The following APC variants were observed in gnomAD, a reference collection of about 807,000 sequenced individuals.
APC encodes the protein APC regulator of Wnt signaling pathway.
A neutral mutation model predicts 247.0 loss-of-function variants in APC; 72 were observed. That is an observed-to-expected ratio of 0.29 (90% CI 0.24 to 0.35). The LOEUF is 0.35. APC is among the 10% of genes least tolerant of loss of function. The pLI is 1.00. For missense variants in APC, 3,400 were observed against 3,360.7 expected (o/e 1.01, Z -0.29); for synonymous variants, 1,254 against 1,162.5 (o/e 1.08, Z -1.60).
rs759968571 is a variant in APC at position 112,828,026 on chromosome 5, C to A, written c.1626+20C>A. ...CAGCAGGTACTATTTAGAATTTCACCTGTTTTTCTTTTTTCTCTTTTTCTT... is the reference window on the plus strand; with the variant it reads ...CAGCAGGTACTATTTAGAATTTCACATGTTTTTCTTTTTTCTCTTTTTCTT... On this transcript the variant is annotated intron_variant, in intron 13 of 15. Transcript: ENST00000257430. 4 of 1,604,684 alleles carry A rather than the reference C, an allele frequency of 2.5e-6. No individual in the cohort carries two copies. In the Admixed American group the frequency reaches 6.7e-5, roughly 27 times the overall value.
chr5:112,726,853 T>G (rs1561409113), intron 1 of APC, among the ~76,000 whole-genome samples: 1 of 152,154 alleles, frequency 6.6e-6, no homozygotes, highest in Non-Finnish European at 1.5e-5. Context: ...AAAGTAAATA[T>G]GAAGTTTCAG....
intron 2 of APC, among the ~76,000 whole-genome samples, chr5:112,755,774 G>A (rs1754904807): frequency 6.6e-6 from 1 of 152,096 alleles, no homozygotes; most frequent in Non-Finnish European, 1.5e-5. Flanking sequence ...ATTCTCTTCT[G>A]ACTGAATTTA....
In APC at chr5:112,842,589, G is replaced by C. The variant is rs2149977858; in HGVS notation, c.6995G>C (p.Gly2332Ala). 6.2e-7 allele frequency: 1 copy of C among 1,613,788 alleles called. No homozygotes were observed. The highest frequency in any genetic ancestry group is 8.5e-7 in the Non-Finnish European group (1 of 1,179,740). ...QSPGRNSISP[G>A]RNGISPPNKL... The stretch of plus-strand genomic sequence containing the variant: ...CCTGGCCGAAACTCAATTTCCCCTG[G>C]TAGAAATGGAATAAGTCCTCCTAAC... The change falls in exon 16 of 16, where the codon GGT becomes GCT. Residue 2332 changes from glycine to alanine, a missense_variant. By Grantham distance (60) the Gly-to-Ala change is moderately conservative. Around this residue, in one of 9 missense-constraint regions of APC, gnomAD observed 1,788 missense variants for 1,649.5 expected, o/e 1.08. Transcript: ENST00000257430.
intron 7 of APC, among the ~76,000 whole-genome samples, chr5:112,796,527 C>T (rs1760228312): frequency 6.6e-6 from 1 of 151,968 alleles, no homozygotes; most frequent in Admixed American, 6.5e-5. Flanking sequence ...ACATGACTGT[C>T]TTAAGCAAAT....
chr5:112,752,223 A>G (rs1754464789), intron 1 of APC, among the ~76,000 whole-genome samples: 1 of 152,094 alleles, frequency 6.6e-6, no homozygotes. Context: ...ATGCTGGAAA[A>G]TATATCTTTG....
At chr5:112,723,972 AAAG>A (rs1391960044) in intron 1 of APC, among the ~76,000 whole-genome samples, 4 of 151,542 alleles carry the variant, frequency 2.6e-5, no homozygotes, top group African/African-American at 9.8e-5. Flanking sequence ...CAGATGAAAA[AAAG>A]AGCAGAGTTT....
intron 2 of APC, among the ~76,000 whole-genome samples, chr5:112,762,947 T>C (rs1755831582): frequency 6.6e-6 from 1 of 152,216 alleles, no homozygotes; most frequent in Non-Finnish European, 1.5e-5. Flanking sequence ...GCAAAGTAAC[T>C]GGATGTGACT....
At chr5:112,819,764 C>G (rs984239424) in intron 10 of APC, among the ~76,000 whole-genome samples, 1 of 152,170 alleles carries the variant, frequency 6.6e-6, no homozygotes, top group African/African-American at 2.4e-5. Flanking sequence ...GGATACAGAG[C>G]AGCGTTACAT....
rs771037081 is a variant in APC, at chr5:112,767,351, G to GTTC, written c.383_384insTTC (p.Arg128delinsSerSer). ...AGAAGAGGGTTTGTAAATGGAAGCA[G>GTTC]AGAAAGTACTGGATATTTAGAAGAA... On this transcript the variant is annotated protein_altering_variant, in exon 4 of 16. Coordinates refer to ENST00000257430, the MANE Select transcript of APC (RefSeq NM_000038.6). The GTTC allele has an allele frequency of 6.2e-7, 1 of 1,614,116 alleles. No individual in the cohort carries two copies. Among genetic ancestry groups the GTTC allele is most frequent in the Non-Finnish European group, 8.5e-7 (1 of 1,180,004 alleles).
At chr5:112,720,820 C>G (rs944174207) in intron 1 of APC, among the ~76,000 whole-genome samples, 4 of 152,054 alleles carry the variant, frequency 2.6e-5, no homozygotes, top group Non-Finnish European at 4.4e-5. Context: ...AGCTGGTTTT[C>G]CCCCTTTCCT....
rs878853476 is a variant in APC, at chr5:112,844,006, G to A, written c.8412G>A (p.Gln2804=). 1 of 1,601,742 alleles carries A rather than the reference G, an allele frequency of 6.2e-7. No individual in the cohort carries two copies. Among genetic ancestry groups the A allele is most frequent in the East Asian group, 2.2e-5 (1 of 44,806 alleles). The change falls in exon 16 of 16, where the codon CAG becomes CAA. Residue 2804 remains glutamine (Q), a synonymous_variant. Transcript: ENST00000257430. Reference sequence around the variant, plus strand: ...ATAGCACTTCAGCTCGGCCATCTCAGATCCCAACTCCAGTGAATAACAACA... The same window carrying A: ...ATAGCACTTCAGCTCGGCCATCTCAAATCCCAACTCCAGTGAATAACAACA... The part of the protein sequence containing the change: ...SADSTSARPS[Q]IPTPVNNNTK...
At chr5:112,736,095 C>T (rs1466000026), upstream of APC, among the ~76,000 whole-genome samples, 1 of 152,110 alleles carries the variant, frequency 6.6e-6, no homozygotes, top group Non-Finnish European at 1.5e-5. Context: ...GAGAAATTAC[C>T]TATTCTGAAT....
chr5:112,717,664 T>A (rs1188582441), intron 1 of APC, among the ~76,000 whole-genome samples: 1 of 152,146 alleles, frequency 6.6e-6, no homozygotes, highest in Non-Finnish European at 1.5e-5. Context: ...TTTGTTTGGC[T>A]GCTTTTGAGA....
intron 1 of APC, chr5:112,738,483 G>A: frequency 1.0e-6 from 1 of 985,814 alleles, no homozygotes; most frequent in Non-Finnish European, 1.2e-6. Flanking sequence ...GTGAGTGGTG[G>A]TGTTGGTTGG....
chr5:112,798,725 T>C (rs1205044074), intron 7 of APC, among the ~76,000 whole-genome samples: 1 of 151,914 alleles, frequency 6.6e-6, no homozygotes, highest in Non-Finnish European at 1.5e-5. Context: ...TAGCCTAGGA[T>C]CAGTGAAAGA....
chr5:112,813,935 G>C (rs1275495250), intron 8 of APC, among the ~76,000 whole-genome samples: 2 of 152,024 alleles, frequency 1.3e-5, no homozygotes, highest in African/African-American at 4.8e-5. Context: ...TCTTCAATTA[G>C]CCAGAGCCTG....
rs76552546 is a variant in APC, at chr5:112,766,534, C to G, written c.220+124C>G. The G allele has an allele frequency of 0.022, 14,820 of 669,310 alleles. 221 individuals are homozygous for G. Among genetic ancestry groups the G allele is most frequent in the South Asian group, 0.026 (1,484 of 56,480 alleles). The allele number at this position is 669,310 out of a possible 1,614,324, so 41.5% of individuals were successfully genotyped here. A position where few individuals can be genotyped will look rare whatever the true frequency, so the allele number is the denominator to read the frequency against. Reference sequence around the variant, plus strand: ...GTATCAGTTTTCTTGGTATGTTAGCCTTACCCTCAGGATGTAATTGTTAAA... The same window carrying G: ...GTATCAGTTTTCTTGGTATGTTAGCGTTACCCTCAGGATGTAATTGTTAAA... On this transcript the variant is annotated intron_variant, in intron 3 of 15. Coordinates refer to ENST00000257430, the MANE Select transcript of APC (RefSeq NM_000038.6).
chr5:112,824,396 T>G (rs1164688721), intron 11 of APC, among the ~76,000 whole-genome samples: 1 of 152,242 alleles, frequency 6.6e-6, no homozygotes, highest in African/African-American at 2.4e-5. Flanking sequence ...AATCTTTTCA[T>G]TTGCCTGAAA....
chr5:112,738,380 G>A, intron 1 of APC: 2 of 985,748 alleles, frequency 2.0e-6, no homozygotes, highest in Non-Finnish European at 2.4e-6. Flanking sequence ...CCAAAAGAGA[G>A]AGGAGACAAA....
Sources: gnomAD v4.1 joint callset for allele counts (sites outside exome capture counted in the v4.1 genomes callset) on GRCh38, gnomAD v4.1.1 for gene constraint, gnomAD v4.1.1 regional missense constraint, MANE v1.5 for transcripts, NCBI Gene and HGNC (gene_info 2026-07-23, HGNC 2026-07-21) for gene names.